SKI: variants seen among roughly 807,000 people sequenced by gnomAD.
SKI encodes ski oncogene.
A neutral mutation model predicts 59.3 loss-of-function variants in SKI; 23 were observed. The observed-to-expected ratio is 0.39, with a 90% CI of 0.28 to 0.55. The LOEUF (loss-of-function observed/expected upper bound fraction) is 0.55, where lower values mean the gene tolerates loss of function less well. Ranked by LOEUF, SKI falls within the 20% of genes least tolerant of loss-of-function variation. SKI has a pLI of 0.67. For missense variants in SKI, 1,017 were observed against 1,038.9 expected, an observed-to-expected ratio of 0.98 and a Z score of 0.29; for synonymous variants, 673 against 488.6, an observed-to-expected ratio of 1.38 and a Z score of -4.98.
intron 1 of SKI, among the ~76,000 whole-genome samples, chr1:2,263,651 T>C (rs1339326234): frequency 6.6e-6 from 1 of 152,028 alleles, no homozygotes; most frequent in Non-Finnish European, 1.5e-5. Flanking sequence ...TGTAGAATGA[T>C]TTGAGAGGTA....
At chr1:2,299,945 G>A (rs1164371879) in intron 1 of SKI, among the ~76,000 whole-genome samples, 1 of 152,148 alleles carries the variant, frequency 6.6e-6, no homozygotes, top group Non-Finnish European at 1.5e-5. Context: ...CCCAGTCCTC[G>A]GCAGGCATCC....
chr1:2,255,461 C>T (rs958377741), intron 1 of SKI, among the ~76,000 whole-genome samples: 4 of 150,990 alleles, frequency 2.6e-5, no homozygotes, highest in Admixed American at 6.6e-5. Context: ...GTCCTGACCT[C>T]ATTTCCTGTC....
chr1:2,290,807 C>A (rs570977306), intron 1 of SKI, among the ~76,000 whole-genome samples: 1 of 152,330 alleles, frequency 6.6e-6, no homozygotes, highest in Admixed American at 6.5e-5. Flanking sequence ...TTGTCACCCC[C>A]TCCTGCCGCT....
intron 1 of SKI, among the ~76,000 whole-genome samples, chr1:2,274,201 T>C (rs990733863): frequency 6.6e-6 from 1 of 152,158 alleles, no homozygotes; most frequent in East Asian, 1.9e-4. Flanking sequence ...GCTCTGCTCA[T>C]GTGCTTTGCC....
Position 2,303,186 on chromosome 1 carries a change from C to T in SKI, c.1095+83C>T. The T allele has an allele frequency of 2.5e-6, 4 of 1,600,482 alleles. No homozygotes were observed. Among genetic ancestry groups the T allele is most frequent in the Non-Finnish European group, 3.4e-6 (4 of 1,169,818 alleles). ...GCAGACCCAGCGGCTGGCAGCTCCA[C>T]CTGCCCGCTACTGAGGGCTGGCACC... On this transcript the variant is annotated intron_variant, in intron 2 of 6. Coordinates refer to ENST00000378536, the MANE Select transcript of SKI (RefSeq NM_003036.4). The surrounding 1 kb of genome is among the most constrained non-coding windows in gnomAD (Gnocchi z 5.6).
At chr1:2,255,258 A>T (rs941705451) in intron 1 of SKI, among the ~76,000 whole-genome samples, 3 of 152,028 alleles carry the variant, frequency 2.0e-5, no homozygotes, top group African/African-American at 7.3e-5. Context: ...TGAGTGTGAC[A>T]AGCACTATGG....
rs1640462475 is a variant in SKI, at chr1:2,302,967, A to G, written c.970-11A>G. On this transcript the variant is annotated splice_polypyrimidine_tract_variant and intron_variant, in intron 1 of 6. Coordinates refer to ENST00000378536, the MANE Select transcript of SKI (RefSeq NM_003036.4). ...ACCACAGGTGCCAACAAAACCTTTC[A>G]TTGATCGCAGGTCTCCTCTGAGCCT... 3.1e-6 allele frequency: 5 copies of G among 1,613,272 alleles called. No individual in the cohort carries two copies. In the Admixed American group the frequency reaches 6.7e-5, roughly 22 times the overall value.
At position 2,306,014 on chromosome 1, in the gene SKI, C is replaced by T. The variant is rs745395111; in HGVS notation, c.1768-6C>T. The T allele has an allele frequency of 1.3e-6, 2 of 1,568,542 alleles. No homozygotes were observed. Among genetic ancestry groups the T allele is most frequent in the Admixed American group, 3.8e-5 (2 of 52,222 alleles). On this transcript the variant is annotated splice_polypyrimidine_tract_variant and splice_region_variant and intron_variant, in intron 5 of 6. Transcript: ENST00000378536. ...GCAGTGACCCCGAGCCGCCTCCGGC[C>T]CCCAGGAGCTGGAGTTCCTACGCGT... is the stretch of plus-strand genomic sequence containing the variant.
At chr1:2,277,994 G>A (rs993484425) in intron 1 of SKI, among the ~76,000 whole-genome samples, 1 of 152,042 alleles carries the variant, frequency 6.6e-6, no homozygotes, top group Non-Finnish European at 1.5e-5. Context: ...GGCATACATG[G>A]ATGCACACAT....
chr1:2,272,209 C>T (rs1033725375), intron 1 of SKI, among the ~76,000 whole-genome samples: 9 of 152,212 alleles, frequency 5.9e-5, no homozygotes, highest in African/African-American at 2.2e-4. Flanking sequence ...CCACGAGGGC[C>T]GGCCTTTCCG....
At chr1:2,293,798 G>A (rs990424173) in intron 1 of SKI, among the ~76,000 whole-genome samples, 3 of 152,172 alleles carry the variant, frequency 2.0e-5, no homozygotes, top group African/African-American at 4.8e-5. Flanking sequence ...CCGTTTCCCC[G>A]CTTCTTCAGC....
intron 1 of SKI, among the ~76,000 whole-genome samples, chr1:2,262,499 G>A (rs1416886977): frequency 1.5e-5 from 2 of 130,604 alleles, no homozygotes; most frequent in Non-Finnish European, 3.3e-5. Context: ...GTCAGAGTTT[G>A]GGTGGGAGTG....
chr1:2,304,665 G>A (rs1279784322), intron 5 of SKI, 80 bp downstream of exon 5: 2 of 1,471,536 alleles, frequency 1.4e-6, no homozygotes, highest in Non-Finnish European at 1.8e-6. Context: ...GGCACAGGTG[G>A]TGCCTCCTCC....
intron 1 of SKI, among the ~76,000 whole-genome samples, chr1:2,299,991 A>G (rs538534042): frequency 6.6e-6 from 1 of 152,340 alleles, no homozygotes; most frequent in South Asian, 2.1e-4. Context: ...CCGCCTCTGC[A>G]TAGGTCCTGT....
In SKI at chr1:2,241,248, G is replaced by A. The variant is rs576958070; in HGVS notation, c.969+11513G>A. ...CTTAAATATGTCTGTGGACTTCAAA[G>A]TGCCATCCTGTGTGGAAAATTTCCA... On this transcript the variant is annotated intron_variant, in intron 1 of 6. Coordinates refer to ENST00000378536, the MANE Select transcript of SKI (RefSeq NM_003036.4). Among the ~76,000 whole-genome samples, 5 of 152,350 alleles carry A rather than the reference G, an allele frequency of 3.3e-5. No individual in the cohort carries two copies. The East Asian group carries it at 9.6e-4, about 29-fold the overall frequency.
intron 1 of SKI, among the ~76,000 whole-genome samples, chr1:2,286,800 C>T (rs766170756): frequency 3.9e-5 from 6 of 152,188 alleles, no homozygotes; most frequent in East Asian, 1.9e-4. Flanking sequence ...GTGGGACCAA[C>T]GCGACCTCCT....
At chr1:2,278,621 T>C (rs1193450867) in intron 1 of SKI, among the ~76,000 whole-genome samples, 3 of 151,848 alleles carry the variant, frequency 2.0e-5, no homozygotes, top group African/African-American at 7.3e-5. Context: ...CTCCTGTGTC[T>C]TCCCATGGTG....
At chr1:2,283,774 C>T (rs543059903) in intron 1 of SKI, among the ~76,000 whole-genome samples, 7 of 152,310 alleles carry the variant, frequency 4.6e-5, no homozygotes, top group East Asian at 1.9e-4. Flanking sequence ...CCCAAGGGTA[C>T]GGGAGGCCCG....
At chr1:2,271,974 C>G (rs934542643) in intron 1 of SKI, among the ~76,000 whole-genome samples, 1 of 152,202 alleles carries the variant, frequency 6.6e-6, no homozygotes, top group Non-Finnish European at 1.5e-5. Flanking sequence ...TGGCTGCTTT[C>G]TCGCAGCTGT....
Sources: allele counts gnomAD v4.1 joint callset (sites outside exome capture counted in the v4.1 genomes callset), GRCh38; gene constraint gnomAD v4.1.1; non-coding constraint Gnocchi (gnomAD v3.1); transcripts MANE v1.5; gene names NCBI Gene and HGNC (gene_info 2026-07-23, HGNC 2026-07-21).